Variants in SNX2 observed in about 807,000 individuals in gnomAD.
SNX2 encodes the protein sorting nexin-2.
SNX2 carries 25 observed loss-of-function variants against 69.9 expected under a neutral mutation model. The observed-to-expected ratio is 0.36, with a 90% confidence interval of 0.26 to 0.50. The LOEUF (loss-of-function observed/expected upper bound fraction) is 0.50. Ranked by LOEUF, SNX2 falls within the 20% of genes least tolerant of loss-of-function variation. SNX2 has a pLI of 0.97. For missense variants in SNX2, 551 were observed against 613.3 expected (o/e 0.90, Z 1.07); for synonymous variants, 229 against 200.4 (o/e 1.14, Z -1.20).
chr5:122,828,759 T>C (rs1447077520), intron 14 of SNX2, among the ~76,000 whole-genome samples: 1 of 152,192 alleles, frequency 6.6e-6, no homozygotes, highest in Non-Finnish European at 1.5e-5. Context: ...AATTAATGTT[T>C]TAAATAATTT....
rs1406121325 is a variant in SNX2, at chr5:122,830,998, A to G, written c.*1350A>G. 7.7e-6 allele frequency among the ~76,000 whole-genome samples: 1 copy of G among 130,078 alleles called. No homozygotes were observed. The highest frequency in any genetic ancestry group is 3.3e-5 in the African/African-American group (1 of 30,128). The allele number at this position is 130,078 out of a possible 152,430, so 85.3% of individuals were successfully genotyped here. On this transcript the variant is annotated 3_prime_UTR_variant, in exon 15 of 15. Coordinates refer to ENST00000379516, the MANE Select transcript of SNX2 (RefSeq NM_003100.4). ...CACGCCAGCCTAGGCAACAAAAGCA[A>G]AACTCCATCTCAAAAAAAAAAAAAA...
intron 1 of SNX2, among the ~76,000 whole-genome samples, chr5:122,788,649 C>A (rs1314932769): frequency 6.6e-6 from 1 of 152,126 alleles, no homozygotes; most frequent in East Asian, 1.9e-4. Flanking sequence ...CAATAACAAC[C>A]CATTATTCTC....
rs145678961 is a variant in SNX2 at position 122,831,066 on chromosome 5, A to G, written c.*1418A>G. The stretch of plus-strand genomic sequence containing the variant: ...GGTGTCAGAGCTATTTTTGTTTTTT[A>G]AAAAATATTCTTACAAACACCCCTC... On this transcript the variant is annotated 3_prime_UTR_variant, in exon 15 of 15. Transcript: ENST00000379516. 1.4e-5 allele frequency among the ~76,000 whole-genome samples: 2 copies of G among 146,982 alleles called. No individual in the cohort carries two copies. Among genetic ancestry groups the G allele is most frequent in the African/African-American group, 2.5e-5 (1 of 39,872 alleles).
intron 1 of SNX2, among the ~76,000 whole-genome samples, chr5:122,786,376 T>C (rs546581061): frequency 1.3e-5 from 2 of 152,322 alleles, no homozygotes; most frequent in African/African-American, 4.8e-5. Context: ...TACCGTTTTA[T>C]TTGCTTACTG....
intron 11 of SNX2, among the ~76,000 whole-genome samples, chr5:122,822,280 G>A (rs574891970): frequency 5.9e-5 from 9 of 152,134 alleles, no homozygotes; most frequent in Admixed American, 1.3e-4. Flanking sequence ...TAGTAGAGAC[G>A]GGGTTTCACC....
intron 6 of SNX2, chr5:122,803,944 GC>G (rs1379896164): frequency 2.4e-5 from 4 of 167,570 alleles, no homozygotes; most frequent in African/African-American, 9.5e-5. Context: ...TTCAAGACCA[GC>G]CTAGCCAACA....
intron 1 of SNX2, among the ~76,000 whole-genome samples, chr5:122,785,442 C>T (rs111861632): frequency 6.6e-5 from 10 of 151,960 alleles, no homozygotes; most frequent in East Asian, 5.8e-4. Context: ...GCCACTGCAC[C>T]GAGCCTGGTT....
chr5:122,813,204 T>A (rs896142512), intron 7 of SNX2, among the ~76,000 whole-genome samples: 1 of 152,174 alleles, frequency 6.6e-6, no homozygotes, highest in Non-Finnish European at 1.5e-5. Flanking sequence ...TAATTCCGAA[T>A]TGGCATATGT....
rs916948950 is a variant in SNX2 at position 122,831,573 on chromosome 5, C to T, written c.*1925C>T. Among the ~76,000 whole-genome samples, 2 of 152,172 alleles carry T rather than the reference C, an allele frequency of 1.3e-5. No individual in the cohort carries two copies. Among genetic ancestry groups the T allele is most frequent in the African/African-American group, 4.8e-5 (2 of 41,444 alleles). ...GAAACTGAAGCAGAAATAGTACAAT[C>T]ATCTTTTGTTGCTTCTGGGAATACT... On this transcript the variant is annotated 3_prime_UTR_variant, in exon 15 of 15. Transcript: ENST00000379516.
At chr5:122,809,666 G>T (rs1349514304) in intron 7 of SNX2, among the ~76,000 whole-genome samples, 1 of 152,000 alleles carries the variant, frequency 6.6e-6, no homozygotes, top group East Asian at 1.9e-4. Flanking sequence ...AATAGCACAG[G>T]TCTTGGGGGT....
chr5:122,808,495 C>CT, intron 7 of SNX2, 140 bp downstream of exon 7: 2 of 548,896 alleles, frequency 3.6e-6, no homozygotes, highest in Middle Eastern at 4.5e-4. Context: ...CTGCTTTAAA[C>CT]TTTTTTAAGA....
At chr5:122,777,914 T>C (rs1458971269) in intron 1 of SNX2, among the ~76,000 whole-genome samples, 1 of 152,240 alleles carries the variant, frequency 6.6e-6, no homozygotes, top group African/African-American at 2.4e-5. Flanking sequence ...TATGGTGTTC[T>C]AGAACACTAG....
chr5:122,787,516 C>T (rs1443196548), intron 1 of SNX2, among the ~76,000 whole-genome samples: 1 of 151,488 alleles, frequency 6.6e-6, no homozygotes, highest in Admixed American at 6.6e-5. Context: ...CAAGACTGTC[C>T]CCCCCCAAAA....
rs150172546 is a variant in SNX2, at chr5:122,828,840, C to T, written c.1510-758C>T. On this transcript the variant is annotated intron_variant, in intron 14 of 14. Coordinates refer to ENST00000379516, the MANE Select transcript of SNX2 (RefSeq NM_003100.4). ...ATTCCTTTAAGAACCAGACATTGGC[C>T]GGGCGCAGCGGCTCATGCCTGTAAT... Among the ~76,000 whole-genome samples, 500 of 152,148 alleles carry T rather than the reference C, an allele frequency of 3.3e-3. 11 individuals are homozygous for T. Among genetic ancestry groups the T allele is most frequent in the Admixed American group, 0.027 (410 of 15,286 alleles).
chr5:122,775,472 G>C (rs1015551071), intron 1 of SNX2: 1 of 1,161,486 alleles, frequency 8.6e-7, no homozygotes, highest in Non-Finnish European at 1.1e-6. Context: ...CATTGCAGCG[G>C]CGCTTTCCCA....
chr5:122,817,251 AT>A (rs776204074), intron 9 of SNX2, 28 bp from the exon 10 acceptor site: 1 of 1,593,610 alleles, frequency 6.3e-7, no homozygotes, highest in East Asian at 2.2e-5. Context: ...TTCTTCCTAA[AT>A]TAGCTCCATT....
intron 1 of SNX2, chr5:122,775,417 C>A: frequency 2.4e-6 from 3 of 1,264,966 alleles, no homozygotes; most frequent in Non-Finnish European, 3.0e-6. Flanking sequence ...GCCTGCGGCC[C>A]GCGGGTGCCG....
At chr5:122,794,476 ACTT>A (rs1753330926) in intron 1 of SNX2, among the ~76,000 whole-genome samples, 1 of 152,290 alleles carries the variant, frequency 6.6e-6, no homozygotes, top group Middle Eastern at 3.4e-3. Context: ...AGTGCTTTGA[ACTT>A]CTTGGACATG....
chr5:122,783,891 A>C (rs781711014), intron 1 of SNX2, among the ~76,000 whole-genome samples: 6 of 146,420 alleles, frequency 4.1e-5, no homozygotes, highest in Non-Finnish European at 9.0e-5. Flanking sequence ...TGAGCCTTCA[A>C]GCTATAAGCA....
Sources: gnomAD v4.1 joint callset for allele counts (sites outside exome capture counted in the v4.1 genomes callset) on GRCh38, gnomAD v4.1.1 for gene constraint, MANE v1.5 for transcripts, NCBI Gene and HGNC (gene_info 2026-07-23, HGNC 2026-07-21) for gene names.